ZDHHC13: variants seen among roughly 807,000 people sequenced by gnomAD.
The protein encoded by ZDHHC13 is palmitoyltransferase ZDHHC13.
ZDHHC13 carries 85 observed loss-of-function variants against 86.0 expected under a neutral mutation model. The observed-to-expected ratio is 0.99, with a 90% confidence interval of 0.83 to 1.18. ZDHHC13 has a LOEUF of 1.18. Ranked by LOEUF, ZDHHC13 falls within the 50% of genes most tolerant of loss-of-function variation. The pLI, the probability that ZDHHC13 is intolerant of heterozygous loss-of-function variation, is 0.00. For missense variants in ZDHHC13, 711 were observed against 730.2 expected, an observed-to-expected ratio of 0.97 and a Z score of 0.30; for synonymous variants, 263 against 246.4, an observed-to-expected ratio of 1.07 and a Z score of -0.63.
intron 8 of ZDHHC13, among the ~76,000 whole-genome samples, chr11:19,153,785 C>T (rs1243126211): frequency 6.6e-6 from 1 of 152,134 alleles, no homozygotes; most frequent in African/African-American, 2.4e-5. Flanking sequence ...TGATACCCTC[C>T]CCACCCTTCC....
intron 15 of ZDHHC13, among the ~76,000 whole-genome samples, chr11:19,170,846 T>G (rs1042321944): frequency 4.6e-5 from 7 of 152,218 alleles, no homozygotes; most frequent in African/African-American, 1.7e-4. Context: ...ATCTGACCTC[T>G]TTATTTTACA....
chr11:19,155,950 A>G, intron 9 of ZDHHC13, 21 bp downstream of exon 9: 1 of 1,584,714 alleles, frequency 6.3e-7, no homozygotes, highest in East Asian at 2.3e-5. Context: ...TAATTTTTGC[A>G]AGGCTGGTTA....
At chr11:19,140,393 A>C (rs1043017232) in intron 1 of ZDHHC13, among the ~76,000 whole-genome samples, 1 of 152,204 alleles carries the variant, frequency 6.6e-6, no homozygotes, top group African/African-American at 2.4e-5. Flanking sequence ...TTAGAATGGC[A>C]ATCCTTAAAA....
At position 19,176,067 on chromosome 11, in the gene ZDHHC13, A is replaced by G. The variant is rs1721693498; in HGVS notation, c.*107A>G. ...AGAATTCACCTAAGTCCAAAGGAAAACACGTGGTTTTTAAAGCCATTAGGT... is the reference window on the plus strand; with the variant it reads ...AGAATTCACCTAAGTCCAAAGGAAAGCACGTGGTTTTTAAAGCCATTAGGT... On this transcript the variant is annotated 3_prime_UTR_variant, in exon 17 of 17. Transcript: ENST00000446113. 2.3e-6 allele frequency: 3 copies of G among 1,309,368 alleles called. No individual in the cohort carries two copies. Among genetic ancestry groups the G allele is most frequent in the African/African-American group, 3.1e-5 (2 of 65,502 alleles). 81.1% of individuals were successfully genotyped at this position (1,309,368 alleles called of 1,614,324 possible).
At chr11:19,142,759 G>T (rs1242889481) in intron 1 of ZDHHC13, among the ~76,000 whole-genome samples, 1 of 150,170 alleles carries the variant, frequency 6.7e-6, no homozygotes, top group East Asian at 1.9e-4. Context: ...TTTTGAGACA[G>T]AGTCTCACTC....
intron 1 of ZDHHC13, among the ~76,000 whole-genome samples, chr11:19,122,509 C>T (rs1848778078): frequency 6.6e-6 from 1 of 151,994 alleles, no homozygotes; most frequent in African/African-American, 2.4e-5. Context: ...TAAAATTTAA[C>T]AATATAATTT....
intron 1 of ZDHHC13, among the ~76,000 whole-genome samples, chr11:19,122,092 A>G (rs568198661): frequency 6.6e-6 from 1 of 152,306 alleles, no homozygotes; most frequent in African/African-American, 2.4e-5. Flanking sequence ...TTCACAGAAA[A>G]TAAAAATTTC....
At chr11:19,172,350 C>T (rs1444147819) in intron 15 of ZDHHC13, among the ~76,000 whole-genome samples, 2 of 152,144 alleles carry the variant, frequency 1.3e-5, no homozygotes, top group Admixed American at 6.5e-5. Flanking sequence ...GGATTACAGG[C>T]GTGAGCCACC....
intron 14 of ZDHHC13, chr11:19,167,397 C>G (rs947039532): frequency 6.6e-6 from 1 of 152,170 alleles, no homozygotes; most frequent in African/African-American, 2.4e-5. Flanking sequence ...GTCTCTCTGT[C>G]TCTTTAGTTT....
Position 19,138,907 on chromosome 11 carries a change from C to T in ZDHHC13, c.28-4071C>T, listed in dbSNP as rs1334148550. On this transcript the variant is annotated intron_variant, in intron 1 of 16. Transcript: ENST00000446113. Reference sequence around the variant, plus strand: ...CTCAATAAATTAGGTATTGATGGGACGTATCTCAAAATAATAAGAGCTATC... The same window carrying T: ...CTCAATAAATTAGGTATTGATGGGATGTATCTCAAAATAATAAGAGCTATC... Among the ~76,000 whole-genome samples, 21 of 151,436 alleles carry T rather than the reference C, an allele frequency of 1.4e-4. No individual in the cohort carries two copies. The East Asian group carries it at 2.9e-3, about 21-fold the overall frequency.
intron 14 of ZDHHC13, 180 bp downstream of exon 14, chr11:19,166,565 GT>G: frequency 2.1e-6 from 1 of 487,638 alleles, no homozygotes. Context: ...ACAAGATGAG[GT>G]TAGTTCTCAG....
At chr11:19,149,998 C>G (rs1306347845) in intron 5 of ZDHHC13, among the ~76,000 whole-genome samples, 2 of 152,154 alleles carry the variant, frequency 1.3e-5, no homozygotes, top group Non-Finnish European at 2.9e-5. Flanking sequence ...ATTATAACCT[C>G]CTAGGTTTCA....
At chr11:19,145,345 C>T (rs4757760) in intron 2 of ZDHHC13, among the ~76,000 whole-genome samples, 9 of 151,910 alleles carry the variant, frequency 5.9e-5, no homozygotes, top group Non-Finnish European at 8.8e-5. Flanking sequence ...TCTCTAAATT[C>T]GTATTTCACT....
At chr11:19,169,260 G>A (rs1255703311) in intron 14 of ZDHHC13, 2 of 985,240 alleles carry the variant, frequency 2.0e-6, no homozygotes, top group Admixed American at 6.1e-5. Flanking sequence ...TGTGATATCA[G>A]GTGCATGGGA....
At chr11:19,155,617 T>C (rs1849735795) in intron 8 of ZDHHC13, among the ~76,000 whole-genome samples, 179 bp from the exon 9 acceptor site, 1 of 151,580 alleles carries the variant, frequency 6.6e-6, no homozygotes, top group Non-Finnish European at 1.5e-5. Flanking sequence ...GTTTCCAAGA[T>C]GTACAATCTC....
At position 19,163,436 on chromosome 11, in the gene ZDHHC13, T is replaced by G. The variant is rs1321864902; in HGVS notation, c.1233+9T>G. 1.3e-5 allele frequency: 20 copies of G among 1,576,306 alleles called. No homozygotes were observed. The highest frequency in any genetic ancestry group is 1.7e-5 in the Non-Finnish European group (20 of 1,167,404). ...AAGAAGAAAAGAAAGTGGTGAGATT[T>G]CTTCGTTACTGATATTTTTAATAGG... On this transcript the variant is annotated intron_variant, in intron 11 of 16. Transcript: ENST00000446113.
chr11:19,165,392 G>A (rs1319289564), intron 13 of ZDHHC13, among the ~76,000 whole-genome samples: 9 of 152,126 alleles, frequency 5.9e-5, no homozygotes, highest in Non-Finnish European at 8.8e-5. Context: ...TTGTAAAAAC[G>A]CTAGATCAGA....
At position 19,144,432 on chromosome 11, in the gene ZDHHC13, AGTGTGTGTGTGTGTGT is replaced by A. The variant is rs142248923; in HGVS notation, c.173+1328_173+1343del. Among the ~76,000 whole-genome samples, 28 of 143,174 alleles carry A rather than the reference AGTGTGTGTGTGTGTGT, an allele frequency of 2.0e-4. No individual in the cohort carries two copies. In the East Asian group the frequency reaches 4.9e-3, roughly 25 times the overall value. 93.9% of individuals were successfully genotyped at this position (143,174 alleles called of 152,430 possible). A position where few individuals can be genotyped will look rare whatever the true frequency, so the allele number is the denominator to read the frequency against. On this transcript the variant is annotated intron_variant, in intron 2 of 16. Transcript: ENST00000446113. ...CTGGGAAGGGCATAGAGAGCTATGG[AGTGTGTGTGTGTGTGT>A]GTGTGTGTGTGTGTGTGTTTTCTAA...
intron 1 of ZDHHC13, among the ~76,000 whole-genome samples, chr11:19,132,403 G>C (rs761885926): frequency 6.6e-5 from 10 of 152,192 alleles, no homozygotes; most frequent in Admixed American, 6.5e-4. Flanking sequence ...CGCTTTGGCT[G>C]ATCAGAGTTT....
Sources: gnomAD v4.1 joint callset for allele counts (sites outside exome capture counted in the v4.1 genomes callset) on GRCh38, gnomAD v4.1.1 for gene constraint, MANE v1.5 for transcripts, NCBI Gene and HGNC (gene_info 2026-07-23, HGNC 2026-07-21) for gene names.